Variants in SMAD6 observed in about 807,000 individuals in gnomAD.
SMAD6 encodes MAD homolog 6.
SMAD6 carries 103 observed loss-of-function variants against 39.4 expected under a neutral mutation model. The ratio of observed to expected loss-of-function variants is 2.62; its 90% CI spans 2.23 to 3.08. The LOEUF (loss-of-function observed/expected upper bound fraction) is 3.08. Among genes scored for constraint, SMAD6 ranks in the 30% most tolerant of loss-of-function variants. The pLI, the probability that SMAD6 is intolerant of heterozygous loss-of-function variation, is 0.00. For missense variants in SMAD6, 1,104 were observed against 742.9 expected (o/e 1.49, Z -5.65); for synonymous variants, 445 against 353.3 (o/e 1.26, Z -2.91).
intron 3 of SMAD6, among the ~76,000 whole-genome samples, chr15:66,768,966 T>C (rs1236659957): frequency 1.3e-5 from 2 of 152,000 alleles, no homozygotes; most frequent in African/African-American, 2.4e-5. Flanking sequence ...CAGCATAAAT[T>C]TGAGTGTCAC....
intron 2 of SMAD6, among the ~76,000 whole-genome samples, chr15:66,712,295 T>C (rs1893247198): frequency 6.6e-6 from 1 of 152,196 alleles, no homozygotes; most frequent in African/African-American, 2.4e-5. Flanking sequence ...GTGGAGTTGG[T>C]AATTTTAGAC....
At chr15:66,714,344 T>C (rs1893286585) in intron 2 of SMAD6, among the ~76,000 whole-genome samples, 1 of 152,068 alleles carries the variant, frequency 6.6e-6, no homozygotes, top group Non-Finnish European at 1.5e-5. Flanking sequence ...CCTGTTTTTA[T>C]ATGGTTTGCA....
chr15:66,720,250 T>C (rs77983931), intron 3 of SMAD6, among the ~76,000 whole-genome samples: 21 of 150,244 alleles, frequency 1.4e-4, no homozygotes, highest in South Asian at 2.1e-4. Flanking sequence ...TTTTTTTTTT[T>C]CAACTTTAAA....
chr15:66,716,567 T>A, intron 3 of SMAD6, 69 bp downstream of exon 3: 1 of 1,147,978 alleles, frequency 8.7e-7, no homozygotes, highest in Non-Finnish European at 1.3e-6. Context: ...CGGAGGGGGC[T>A]TGGTGGAAGA....
Position 66,718,709 on chromosome 15 carries a change from G to A in SMAD6, c.952+2211G>A, listed in dbSNP as rs1402952704. ...AGCTTGCTCTGTGCTGTAGGGATCTGAGGTCCTGTGGGTTAAGCTGCCCGC... is the reference window on the plus strand; with the variant it reads ...AGCTTGCTCTGTGCTGTAGGGATCTAAGGTCCTGTGGGTTAAGCTGCCCGC... On this transcript the variant is annotated intron_variant, in intron 3 of 3. Transcript: ENST00000288840. 3.3e-5 allele frequency among the ~76,000 whole-genome samples: 5 copies of A among 152,286 alleles called. No individual in the cohort carries two copies. In the East Asian group the frequency reaches 9.7e-4, roughly 29 times the overall value.
At chr15:66,704,252 G>C in intron 1 of SMAD6, 177 bp downstream of exon 1, 1 of 415,380 alleles carries the variant, frequency 2.4e-6, no homozygotes, top group Admixed American at 4.4e-5. Flanking sequence ...GGGTGTCCCA[G>C]CACACACATC....
rs773308777 is a variant in SMAD6 at position 66,703,364 on chromosome 15, G to T, written c.106G>T (p.Asp36Tyr). 1.1e-5 allele frequency: 16 copies of T among 1,475,420 alleles called. No individual in the cohort carries two copies. Among genetic ancestry groups the T allele is most frequent in the Non-Finnish European group, 1.4e-5 (16 of 1,113,184 alleles). 91.4% of individuals were successfully genotyped at this position (1,475,420 alleles called of 1,614,324 possible). ...GSGGGGGGDE[D>Y]GSLGSRAEPA... ...CGGCGGCGGCGGTGGCGGCGACGAG[G>T]ATGGGAGCTTGGGCAGCCGAGCTGA... Residue 36 changes from aspartate to tyrosine, a missense_variant, in exon 1 of 4, where the codon GAT becomes TAT. Physicochemically the swap from Asp to Tyr is radical, Grantham distance 160 (BLOSUM62 -3). Coordinates refer to ENST00000288840, the MANE Select transcript of SMAD6 (RefSeq NM_005585.5).
chr15:66,728,062 A>T (rs1324870723), intron 3 of SMAD6, among the ~76,000 whole-genome samples: 1 of 152,176 alleles, frequency 6.6e-6, no homozygotes, highest in Admixed American at 6.5e-5. Flanking sequence ...CATGTTGGTC[A>T]GGCTGGTCTT....
intron 2 of SMAD6, 81 bp from the exon 3 acceptor site, chr15:66,716,340 G>A (rs1256712414): frequency 5.0e-6 from 5 of 990,870 alleles, no homozygotes; most frequent in Middle Eastern, 2.1e-4. Flanking sequence ...ACGTGCACAT[G>A]TACAGAGATG....
At chr15:66,764,992 C>T (rs535643847) in intron 3 of SMAD6, among the ~76,000 whole-genome samples, 64 of 152,294 alleles carry the variant, frequency 4.2e-4, no homozygotes, top group African/African-American at 1.5e-3. Context: ...CCTTGTTTCT[C>T]GGGGTGTTTG....
At chr15:66,743,550 CCTACCT>C (rs1389173633) in intron 3 of SMAD6, among the ~76,000 whole-genome samples, 2 of 149,996 alleles carry the variant, frequency 1.3e-5, no homozygotes, top group African/African-American at 2.5e-5. Context: ...GGGCCCAAGC[CCTACCT>C]CAATAGCATT....
chr15:66,716,896 A>G (rs1893341129), intron 3 of SMAD6: 2 of 974,940 alleles, frequency 2.1e-6, no homozygotes, highest in South Asian at 1.5e-5. Flanking sequence ...GGGAGGGACC[A>G]ATGTGAAGGG....
chr15:66,743,724 T>C (rs1440374), intron 3 of SMAD6, among the ~76,000 whole-genome samples: 31,608 of 152,142 alleles, frequency 0.21, 3,681 homozygotes, highest in Admixed American at 0.37. Context: ...ATGTTATTTT[T>C]CCTGTCATCC....
chr15:66,716,385 C>T (rs755622275), intron 2 of SMAD6, 36 bp from the exon 3 acceptor site: 34 of 1,482,506 alleles, frequency 2.3e-5, no homozygotes, highest in East Asian at 4.5e-5. Flanking sequence ...CGCTGCCCCA[C>T]GGCCAACTAA....
chr15:66,727,187 C>T (rs1893537477), intron 3 of SMAD6, among the ~76,000 whole-genome samples: 1 of 151,760 alleles, frequency 6.6e-6, no homozygotes, highest in Non-Finnish European at 1.5e-5. Flanking sequence ...ACTGCAACCT[C>T]TGCCTGCCAG....
chr15:66,703,878 T>G lies in SMAD6; in HGVS notation c.620T>G (p.Leu207Arg), dbSNP rs1354683586. 7.6e-7 allele frequency: 1 copy of G among 1,320,232 alleles called. No homozygotes were observed. Among genetic ancestry groups the G allele is most frequent in the Non-Finnish European group, 9.7e-7 (1 of 1,032,380 alleles). 81.8% of individuals were successfully genotyped at this position (1,320,232 alleles called of 1,614,324 possible). The change falls in exon 1 of 4, where the codon CTG (leucine) becomes CGG (arginine). Residue 207 changes from leucine to arginine, a missense_variant. Transcript: ENST00000288840. ...GGCGGCGTGCCGGGCGGCTGCGTGC[T>G]GGTGCCGCGCGCCGACCTCCGCCTG... ...SRGGVPGGCV[L>R]VPRADLRLGG...
intron 3 of SMAD6, among the ~76,000 whole-genome samples, chr15:66,773,951 G>A (rs1348836586): frequency 2.0e-5 from 3 of 152,192 alleles, no homozygotes; most frequent in Non-Finnish European, 4.4e-5. Flanking sequence ...AGCCAGGGAG[G>A]TTGCTATGGC....
chr15:66,720,493 C>T (rs1893413212), intron 3 of SMAD6, among the ~76,000 whole-genome samples: 1 of 152,066 alleles, frequency 6.6e-6, no homozygotes, highest in Non-Finnish European at 1.5e-5. Flanking sequence ...GCTTAAGCAC[C>T]CGGGCCTGCC....
chr15:66,720,991 G>A (rs1893421632), intron 3 of SMAD6, among the ~76,000 whole-genome samples: 1 of 152,232 alleles, frequency 6.6e-6, no homozygotes, highest in African/African-American at 2.4e-5. Context: ...GGGAGCAACA[G>A]TAGGCTACAT....
Sources: gnomAD v4.1 joint callset for allele counts (sites outside exome capture counted in the v4.1 genomes callset) on GRCh38, gnomAD v4.1.1 for gene constraint, MANE v1.5 for transcripts, NCBI Gene and HGNC (gene_info 2026-07-23, HGNC 2026-07-21) for gene names.